Variants in PROM1 observed in about 807,000 individuals in gnomAD.
PROM1 encodes prominin 1, also known as prominin-1.
A neutral mutation model predicts 116.9 loss-of-function variants in PROM1; 105 were observed. The observed-to-expected ratio is 0.90, with a 90% CI of 0.77 to 1.06. PROM1 has a LOEUF of 1.06. PROM1 is among the 50% of genes least tolerant of loss of function. PROM1 has a pLI of 0.00. For missense variants in PROM1, 1,122 were observed against 1,045.2 expected, an observed-to-expected ratio of 1.07 and a Z score of -1.01; for synonymous variants, 393 against 387.0, an observed-to-expected ratio of 1.02 and a Z score of -0.18.
At chr4:15,985,508 T>C (rs1719125637) in intron 22 of PROM1, 1 of 460,546 alleles carries the variant, frequency 2.2e-6, no homozygotes, top group African/African-American at 2.0e-5. Flanking sequence ...GCCCCTTTGT[T>C]ACCTGAAAAA....
intron 8 of PROM1, among the ~76,000 whole-genome samples, chr4:16,020,532 C>CA (rs1361496123): frequency 6.6e-5 from 10 of 152,078 alleles, no homozygotes; most frequent in African/African-American, 2.4e-4. Flanking sequence ...CACAGAAATA[C>CA]TCAGAAATAC....
chr4:16,010,139 G>T (rs2149257109), intron 11 of PROM1, among the ~76,000 whole-genome samples: 1 of 152,278 alleles, frequency 6.6e-6, no homozygotes, highest in East Asian at 1.9e-4. Context: ...TCAGTGGCCA[G>T]TTTCTTTTGC....
At chr4:16,080,109 T>C (rs149798319) in intron 1 of PROM1, 1 of 151,680 alleles carries the variant, frequency 6.6e-6, no homozygotes, top group Non-Finnish European at 1.5e-5. Flanking sequence ...GGAGGATTAC[T>C]TGAGTCCAGG....
intron 11 of PROM1, 76 bp downstream of exon 11, chr4:16,013,199 A>C: frequency 8.7e-7 from 1 of 1,155,656 alleles, no homozygotes; most frequent in South Asian, 1.4e-5. Flanking sequence ...GAGGAAAAGA[A>C]CAATGCAATA....
chr4:15,986,136 C>A, intron 20 of PROM1, 99 bp from the exon 21 acceptor site: 1 of 829,676 alleles, frequency 1.2e-6, no homozygotes, highest in South Asian at 1.7e-5. Context: ...AGCTCTGCAA[C>A]ACCACGACCT....
Position 16,006,575 on chromosome 4 carries a change from C to T in PROM1, c.1417G>A (p.Gly473Ser), listed in dbSNP as rs772135830. ...ACGCCTCCGGTGTTGGAGACACAGC[C>T]TCGGGTGGTCGGGGTGGCATGCCTG... ...YDRHATPTTR[G>S]CVSNTGGVFL... The change falls in exon 13 of 28, where the codon GGC (glycine) becomes AGC (serine). Residue 473 changes from glycine to serine, a missense_variant. Physicochemically the swap from Gly to Ser is moderately conservative, Grantham distance 56. Transcript: ENST00000447510. 1.2e-6 allele frequency: 2 copies of T among 1,602,538 alleles called. No homozygotes were observed. Among genetic ancestry groups the T allele is most frequent in the Non-Finnish European group, 1.7e-6 (2 of 1,174,900 alleles).
At chr4:16,018,302 G>A (rs1395828602) in intron 9 of PROM1, 21 bp downstream of exon 9, 3 of 1,608,172 alleles carry the variant, frequency 1.9e-6, no homozygotes, top group Non-Finnish European at 2.6e-6. Flanking sequence ...CCTTGACCAT[G>A]GCAAGCTCAT....
intron 1 of PROM1, among the ~76,000 whole-genome samples, chr4:16,081,573 T>C (rs12642072): frequency 0.18 from 26,664 of 152,158 alleles, 2,967 homozygotes; most frequent in East Asian, 0.3. Context: ...GAAACTACCA[T>C]CAGAGTGAAC....
intron 3 of PROM1, among the ~76,000 whole-genome samples, chr4:16,038,480 G>T (rs1334880520): frequency 6.6e-6 from 1 of 152,190 alleles, no homozygotes; most frequent in African/African-American, 2.4e-5. Flanking sequence ...TCGGCTCACT[G>T]CAACCTCTGC....
Position 16,013,065 on chromosome 4 carries a change from T to G in PROM1, c.1141+210A>C, listed in dbSNP as rs572027567. 7.9e-5 allele frequency among the ~76,000 whole-genome samples: 12 copies of G among 152,304 alleles called. No homozygotes were observed. In the South Asian group the frequency reaches 2.5e-3, roughly 32 times the overall value. On this transcript the variant is annotated intron_variant, in intron 11 of 27. Transcript: ENST00000447510. ...ACCATGTGGCAGCTGCTGGCTGGGC[T>G]GGATGATGTTTATCAGTGTTCAATA...
At chr4:15,984,124 A>G (rs894160851) in intron 23 of PROM1, 139 bp downstream of exon 23, 12 of 728,994 alleles carry the variant, frequency 1.6e-5, no homozygotes, top group Non-Finnish European at 2.7e-5. Context: ...TAGCATCTCA[A>G]TACACTGATC....
chr4:16,006,825 G>A (rs1482829085), intron 12 of PROM1, 135 bp from the exon 13 acceptor site: 3 of 849,228 alleles, frequency 3.5e-6, no homozygotes, highest in Non-Finnish European at 5.4e-6. Context: ...ATTCCTCAGA[G>A]GACAATAATG....
Position 16,019,726 on chromosome 4 carries a change from G to A in PROM1, c.785-1186C>T, listed in dbSNP as rs186519287. On this transcript the variant is annotated intron_variant, in intron 8 of 27. Coordinates refer to ENST00000447510, the MANE Select transcript of PROM1 (RefSeq NM_006017.3). ...TAAGCAAATAAATCTTCTTGGTCAGGTCTTCGCTCTGTGGTTCACAGAACA... is the reference window on the plus strand; with the variant it reads ...TAAGCAAATAAATCTTCTTGGTCAGATCTTCGCTCTGTGGTTCACAGAACA... Among the ~76,000 whole-genome samples, 8 of 152,276 alleles carry A rather than the reference G, an allele frequency of 5.3e-5. No homozygotes were observed. In the East Asian group the frequency reaches 1.5e-3, roughly 29 times the overall value.
In PROM1 at chr4:16,076,025, C is replaced by G. The variant is rs1045267058; in HGVS notation, c.-119G>C. The G allele has an allele frequency of 1.9e-5, 27 of 1,443,818 alleles. No individual in the cohort carries two copies. The African/African-American group carries it at 3.7e-4, about 20-fold the overall frequency. The allele number at this position is 1,443,818 out of a possible 1,614,324, so 89.4% of individuals were successfully genotyped here. A position where few individuals can be genotyped will look rare whatever the true frequency, so the allele number is the denominator to read the frequency against. ...AGAAGAGGAGCAGGAAGCACTGGAT[C>G]TGCTGAATCTTCAGTTTTCTGTCTG... On this transcript the variant is annotated 5_prime_UTR_variant, in exon 2 of 28. Transcript: ENST00000447510.
At chr4:16,056,941 C>T (rs900063298) in intron 2 of PROM1, among the ~76,000 whole-genome samples, 2 of 152,232 alleles carry the variant, frequency 1.3e-5, no homozygotes, top group African/African-American at 4.8e-5. Flanking sequence ...TACACTCTCA[C>T]ACGAGAGCAT....
intron 13 of PROM1, among the ~76,000 whole-genome samples, chr4:16,004,836 C>CTTTCTTTCTTTCTTTCTTTTT (rs1560460117): frequency 2.4e-4 from 14 of 57,588 alleles, no homozygotes; most frequent in African/African-American, 6.9e-4. Context: ...TCTTTTTCTT[C>CTTTCTTTCTTTCTTTCTTTTT]CTTCCTTCCT....
At chr4:16,074,258 T>C (rs1048209271) in intron 2 of PROM1, among the ~76,000 whole-genome samples, 5 of 96,714 alleles carry the variant, frequency 5.2e-5, no homozygotes, top group African/African-American at 9.5e-5. Context: ...TTTGAGGAGA[T>C]AGATACACCA....
At position 15,978,053 on chromosome 4, in the gene PROM1, C is replaced by A. The variant is rs537309752; in HGVS notation, c.2582+1342G>T. ...CTCATTAACGCCCTTAGAGAATAGA[C>A]CCCAAGGAGCCAGCTTGCCCTTTCC... On this transcript the variant is annotated intron_variant, in intron 26 of 27. Coordinates refer to ENST00000447510, the MANE Select transcript of PROM1 (RefSeq NM_006017.3). 1.2e-4 allele frequency among the ~76,000 whole-genome samples: 18 copies of A among 152,258 alleles called. No homozygotes were observed. The South Asian group carries it at 3.7e-3, about 32-fold the overall frequency.
At chr4:16,077,539 C>G (rs1363958527) in intron 1 of PROM1, among the ~76,000 whole-genome samples, 18 of 152,174 alleles carry the variant, frequency 1.2e-4, no homozygotes, top group Non-Finnish European at 2.9e-5. Context: ...ATTTCTTTCT[C>G]TATACTTTGT....
Sources: gnomAD v4.1 joint callset for allele counts (sites outside exome capture counted in the v4.1 genomes callset) on GRCh38, gnomAD v4.1.1 for gene constraint, MANE v1.5 for transcripts, NCBI Gene and HGNC (gene_info 2026-07-23, HGNC 2026-07-21) for gene names.